The following ADGRL2 variants were observed in gnomAD, a reference collection of about 807,000 sequenced individuals.
ADGRL2 encodes the protein adhesion G protein-coupled receptor L2.
ADGRL2 carries 44 observed loss-of-function variants against 157.4 expected under a neutral mutation model. That is an observed-to-expected ratio of 0.28 (90% CI 0.22 to 0.36). ADGRL2 has a LOEUF of 0.36. Among genes scored for constraint, ADGRL2 ranks in the 10% least tolerant of loss-of-function variants. ADGRL2 has a pLI of 1.00. For missense variants in ADGRL2, 1,510 were observed against 1,768.9 expected (o/e 0.85, Z 2.63); for synonymous variants, 585 against 624.7 (o/e 0.94, Z 0.95).
chr1:81,327,015 A>G (rs1043497892), intron 1 of ADGRL2, among the ~76,000 whole-genome samples: 2 of 152,202 alleles, frequency 1.3e-5, no homozygotes, highest in Non-Finnish European at 2.9e-5. Flanking sequence ...GGCCTAAGCC[A>G]CTTAATACAA....
intron 2 of ADGRL2, among the ~76,000 whole-genome samples, chr1:81,874,609 TTTGTCTTGTC>T (rs762434531): frequency 9.5e-5 from 14 of 147,556 alleles, no homozygotes; most frequent in South Asian, 4.4e-4. Flanking sequence ...TCTTGTCTTG[TTTGTCTTGTC>T]TTGTCTTGTC....
chr1:81,863,078 T>TG (rs1366484476), intron 2 of ADGRL2, among the ~76,000 whole-genome samples: 8 of 152,156 alleles, frequency 5.3e-5, no homozygotes, highest in Non-Finnish European at 1.0e-4. Flanking sequence ...AAAAATTTTA[T>TG]GGGGGAGTCT....
At chr1:81,656,263 C>T (rs887152058) in intron 3 of ADGRL2, among the ~76,000 whole-genome samples, 1 of 152,166 alleles carries the variant, frequency 6.6e-6, no homozygotes, top group Non-Finnish European at 1.5e-5. Flanking sequence ...TCTAACCTCT[C>T]AACAGTCCTG....
At chr1:81,720,179 C>CTTTTTT (rs370916970) in intron 1 of ADGRL2, among the ~76,000 whole-genome samples, 3 of 138,902 alleles carry the variant, frequency 2.2e-5, no homozygotes. Flanking sequence ...TCCTTTTTTT[C>CTTTTTT]TTTTCTTTTT....
At chr1:81,470,786 A>C (rs774838932) in intron 2 of ADGRL2, among the ~76,000 whole-genome samples, 3 of 152,236 alleles carry the variant, frequency 2.0e-5, no homozygotes, top group Non-Finnish European at 4.4e-5. Context: ...AAAGATCAAA[A>C]AGCAAATTTC....
chr1:81,388,232 G>C (rs1031414272), intron 1 of ADGRL2, among the ~76,000 whole-genome samples: 1 of 152,072 alleles, frequency 6.6e-6, no homozygotes, highest in Non-Finnish European at 1.5e-5. Flanking sequence ...CACACATAGT[G>C]CTTTGTGTGT....
intron 2 of ADGRL2, among the ~76,000 whole-genome samples, chr1:81,868,471 C>T (rs2093608836): frequency 6.6e-6 from 1 of 152,144 alleles, no homozygotes; most frequent in Non-Finnish European, 1.5e-5. Flanking sequence ...CCTGGATCCT[C>T]TCTCCAGCTT....
chr1:81,480,065 G>C (rs567728283), intron 2 of ADGRL2, among the ~76,000 whole-genome samples: 1 of 152,106 alleles, frequency 6.6e-6, no homozygotes, highest in Non-Finnish European at 1.5e-5. Flanking sequence ...GATAGAAGAG[G>C]GAGGTCTCAA....
chr1:81,770,719 C>T (rs569585704), intron 2 of ADGRL2, among the ~76,000 whole-genome samples: 1 of 152,068 alleles, frequency 6.6e-6, no homozygotes, highest in African/African-American at 2.4e-5. Flanking sequence ...GTGATCCACC[C>T]GCCTCGGCCT....
At chr1:81,547,825 A>G (rs926757372) in intron 2 of ADGRL2, among the ~76,000 whole-genome samples, 1 of 152,190 alleles carries the variant, frequency 6.6e-6, no homozygotes, top group Non-Finnish European at 1.5e-5. Context: ...ACTTGATTTA[A>G]GGGATAAGTG....
intron 2 of ADGRL2, among the ~76,000 whole-genome samples, chr1:81,515,489 G>A (rs1158833523): frequency 6.7e-6 from 1 of 150,222 alleles, no homozygotes; most frequent in African/African-American, 2.5e-5. Flanking sequence ...ATAAATAACA[G>A]TGTTCTGACA....
At chr1:81,487,882 C>T (rs188559299) in intron 2 of ADGRL2, among the ~76,000 whole-genome samples, 2 of 152,096 alleles carry the variant, frequency 1.3e-5, no homozygotes, top group East Asian at 3.9e-4. Context: ...TATTTAGAAA[C>T]TGATGGTTTC....
chr1:81,373,891 T>C (rs148479241), intron 1 of ADGRL2, among the ~76,000 whole-genome samples: 1 of 152,156 alleles, frequency 6.6e-6, no homozygotes. Context: ...CTGGACAACA[T>C]GAAGCAATGA....
intron 1 of ADGRL2, among the ~76,000 whole-genome samples, chr1:81,817,963 A>T (rs2090582467): frequency 6.6e-6 from 1 of 152,004 alleles, no homozygotes; most frequent in African/African-American, 2.4e-5. Context: ...CAGGAGTTCG[A>T]GATCGGCCTG....
At chr1:81,448,597 C>A (rs2077646125) in intron 2 of ADGRL2, among the ~76,000 whole-genome samples, 1 of 152,014 alleles carries the variant, frequency 6.6e-6, no homozygotes, top group Non-Finnish European at 1.5e-5. Flanking sequence ...GCACTTTGGG[C>A]TATCAAAGCA....
intron 2 of ADGRL2, among the ~76,000 whole-genome samples, chr1:81,850,177 A>G (rs1032955700): frequency 1.3e-5 from 2 of 151,954 alleles, no homozygotes; most frequent in African/African-American, 4.8e-5. Context: ...TCCATAGATC[A>G]TTTTGAGGCT....
intron 2 of ADGRL2, among the ~76,000 whole-genome samples, chr1:81,868,224 A>G (rs912757231): frequency 1.3e-5 from 2 of 152,140 alleles, no homozygotes; most frequent in Admixed American, 6.6e-5. Flanking sequence ...TCTTGCCTCC[A>G]TGGAACTTAC....
At chr1:81,741,118 A>T (rs1002091401) in intron 1 of ADGRL2, among the ~76,000 whole-genome samples, 2 of 124,900 alleles carry the variant, frequency 1.6e-5, no homozygotes, top group African/African-American at 2.6e-5. Context: ...AGGGAATTCT[A>T]AAAAAAAAAA....
intron 1 of ADGRL2, among the ~76,000 whole-genome samples, chr1:81,320,239 T>C (rs920218830): frequency 6.6e-6 from 1 of 152,198 alleles, no homozygotes; most frequent in Non-Finnish European, 1.5e-5. Flanking sequence ...TTAGTTCAAT[T>C]TGATAGTTCC....
Sources: gnomAD v4.1 joint callset for allele counts (sites outside exome capture counted in the v4.1 genomes callset) on GRCh38, gnomAD v4.1.1 for gene constraint, MANE v1.5 for transcripts, NCBI Gene and HGNC (gene_info 2026-07-23, HGNC 2026-07-21) for gene names.